Variants in RMDN2 observed in about 807,000 individuals in gnomAD.
RMDN2 encodes the protein regulator of microtubule dynamics 2.
RMDN2 carries 61 observed loss-of-function variants against 52.8 expected under a neutral mutation model. The observed-to-expected ratio is 1.16, with a 90% CI of 0.94 to 1.43. The LOEUF is 1.43. Ranked by LOEUF, RMDN2 falls within the 40% of genes most tolerant of loss-of-function variation. RMDN2 has a pLI of 0.00. For missense variants in RMDN2, 592 were observed against 475.3 expected, an observed-to-expected ratio of 1.25 and a Z score of -2.28; for synonymous variants, 180 against 153.1, an observed-to-expected ratio of 1.18 and a Z score of -1.30.
intron 5 of RMDN2, among the ~76,000 whole-genome samples, chr2:37,987,949 C>G (rs537318971): frequency 6.6e-6 from 1 of 152,272 alleles, no homozygotes; most frequent in East Asian, 1.9e-4. Context: ...GTCCCAGCTA[C>G]TCAGGAAGCT....
At chr2:38,048,561 G>C (rs1378399785) in intron 10 of RMDN2, among the ~76,000 whole-genome samples, 1 of 152,176 alleles carries the variant, frequency 6.6e-6, no homozygotes, top group African/African-American at 2.4e-5. Flanking sequence ...TGTACAGCAG[G>C]CCCAGAACTG....
intron 2 of RMDN2, among the ~76,000 whole-genome samples, chr2:37,963,852 C>A (rs899185709): frequency 6.6e-6 from 1 of 152,128 alleles, no homozygotes; most frequent in African/African-American, 2.4e-5. Context: ...GACGGGGTGG[C>A]GGCCGGGCAG....
intron 2 of RMDN2, among the ~76,000 whole-genome samples, chr2:37,954,200 T>C (rs1669179356): frequency 6.6e-6 from 1 of 152,106 alleles, no homozygotes; most frequent in African/African-American, 2.4e-5. Flanking sequence ...TTTTCGGTTT[T>C]GAGGTAGTCT....
chr2:37,924,508 G>T (rs1227559036), upstream of RMDN2, among the ~76,000 whole-genome samples: 2 of 152,212 alleles, frequency 1.3e-5, no homozygotes, highest in African/African-American at 4.8e-5. Context: ...GGGATTACAG[G>T]CGTCCACCAC....
chr2:37,920,907 C>T (rs1666013475), upstream of RMDN2, among the ~76,000 whole-genome samples: 1 of 152,194 alleles, frequency 6.6e-6, no homozygotes, highest in South Asian at 2.1e-4. Context: ...AAACGTCATT[C>T]TTTTCTTGAA....
At chr2:37,993,516 G>GAA (rs1244801442) in intron 7 of RMDN2, among the ~76,000 whole-genome samples, 14 of 123,828 alleles carry the variant, frequency 1.1e-4, no homozygotes, top group African/African-American at 3.5e-4. Context: ...AGAACCTACA[G>GAA]AAAAAAAAAA....
At chr2:37,965,445 C>A (rs189142817) in intron 2 of RMDN2, among the ~76,000 whole-genome samples, 15 of 150,652 alleles carry the variant, frequency 1.0e-4, no homozygotes, top group Admixed American at 9.3e-4. Flanking sequence ...AAAGTTATAA[C>A]AACATATTTT....
At chr2:37,959,334 G>A (rs186318917) in intron 2 of RMDN2, among the ~76,000 whole-genome samples, 1 of 151,020 alleles carries the variant, frequency 6.6e-6, no homozygotes, top group East Asian at 1.9e-4. Flanking sequence ...TTCAGAACTT[G>A]TTATTGGTCT....
At chr2:37,945,846 GC>G (rs748776313) in intron 2 of RMDN2, among the ~76,000 whole-genome samples, 15 of 152,062 alleles carry the variant, frequency 9.9e-5, no homozygotes, top group Non-Finnish European at 1.8e-4. Context: ...ACTGCCTCTC[GC>G]CTTACTCATC....
chr2:37,931,742 CAAG>C (rs537948612), intron 2 of RMDN2, among the ~76,000 whole-genome samples: 296 of 152,268 alleles, frequency 1.9e-3, no homozygotes, highest in African/African-American at 6.5e-3. Context: ...TATGTGGGTT[CAAG>C]AAGGATTTGT....
At chr2:38,049,832 A>G (rs1681482571) in intron 10 of RMDN2, among the ~76,000 whole-genome samples, 1 of 152,088 alleles carries the variant, frequency 6.6e-6, no homozygotes, top group Admixed American at 6.5e-5. Context: ...GCCTCCCAAA[A>G]TGGTAGGATT....
chr2:38,044,939 C>T (rs1681181468), intron 10 of RMDN2, among the ~76,000 whole-genome samples: 1 of 152,000 alleles, frequency 6.6e-6, no homozygotes, highest in Non-Finnish European at 1.5e-5. Flanking sequence ...AGTGACACAT[C>T]CAAATTTGTG....
At chr2:38,056,085 T>A (rs985257) in intron 10 of RMDN2, among the ~76,000 whole-genome samples, 44,575 of 152,014 alleles carry the variant, frequency 0.29, 8,085 homozygotes, top group South Asian at 0.49. Flanking sequence ...TCCAAGCACA[T>A]CACATTCATT....
chr2:37,945,689 A>T (rs1269247465), intron 2 of RMDN2, among the ~76,000 whole-genome samples: 1 of 152,222 alleles, frequency 6.6e-6, no homozygotes, highest in Non-Finnish European at 1.5e-5. Flanking sequence ...AATTTTTTCC[A>T]GATCCTGTCC....
intron 10 of RMDN2, among the ~76,000 whole-genome samples, chr2:38,057,857 T>C (rs1047802038): frequency 1.3e-5 from 2 of 152,202 alleles, no homozygotes; most frequent in East Asian, 3.8e-4. Context: ...TCTGCCACGA[T>C]TGTCAGTTTC....
At chr2:38,050,103 C>T in intron 10 of RMDN2, among the ~76,000 whole-genome samples, 1 of 152,124 alleles carries the variant, frequency 6.6e-6, no homozygotes, top group Non-Finnish European at 1.5e-5. Flanking sequence ...TGCACAAATT[C>T]CCACATTTCT....
chr2:38,064,137 T>C (rs1682171190), intron 10 of RMDN2, among the ~76,000 whole-genome samples: 1 of 152,208 alleles, frequency 6.6e-6, no homozygotes, highest in Admixed American at 6.5e-5. Flanking sequence ...GCATTTCTGC[T>C]TTCTTCATAG....
rs1007579984 is a variant in RMDN2 at position 37,958,126 on chromosome 2, G to A, written c.453-15914G>A. 7.2e-5 allele frequency among the ~76,000 whole-genome samples: 11 copies of A among 152,252 alleles called. No individual in the cohort carries two copies. In the Middle Eastern group the frequency reaches 0.01, roughly 141 times the overall value. On this transcript the variant is annotated intron_variant, in intron 2 of 10. Transcript: ENST00000354545. ...TTGTTTAGGATTGTCTTGACTATAT[G>A]GGCTCTTTTTTGGTTTCATATGAAG...
At chr2:37,947,085 T>G (rs1422923427) in intron 2 of RMDN2, among the ~76,000 whole-genome samples, 1 of 152,032 alleles carries the variant, frequency 6.6e-6, no homozygotes, top group Non-Finnish European at 1.5e-5. Context: ...ATTTAGAGGG[T>G]AAAAATGCAG....
Sources: gnomAD v4.1 joint callset for allele counts (sites outside exome capture counted in the v4.1 genomes callset) on GRCh38, gnomAD v4.1.1 for gene constraint, MANE v1.5 for transcripts, NCBI Gene and HGNC (gene_info 2026-07-23, HGNC 2026-07-21) for gene names.